Variants in SPAG16 observed in about 807,000 individuals in gnomAD.
SPAG16 encodes the protein sperm associated antigen 16, also known as sperm-associated antigen 16 protein.
Under a neutral mutation model 80.4 loss-of-function variants are expected in SPAG16, and 86 were observed. The ratio of observed to expected loss-of-function variants is 1.07; its 90% CI spans 0.90 to 1.28. The LOEUF (loss-of-function observed/expected upper bound fraction) is 1.28, where lower values mean the gene tolerates loss of function less well. Ranked by LOEUF, SPAG16 falls within the 50% of genes most tolerant of loss-of-function variation. The pLI is 0.00. For synonymous variants in SPAG16, 294 were observed against 265.9 expected (o/e 1.11, Z -1.03); for missense variants, 870 against 765.3 (o/e 1.14, Z -1.61).
At chr2:213,918,194 T>C (rs535264963) in intron 11 of SPAG16, among the ~76,000 whole-genome samples, 152 of 152,286 alleles carry the variant, frequency 1.0e-3, no homozygotes, top group Non-Finnish European at 1.9e-3. Context: ...AGGTTTTTTG[T>C]ATCAGTGTTC....
At chr2:214,243,110 AGAG>A (rs1293955598) in intron 15 of SPAG16, among the ~76,000 whole-genome samples, 6 of 152,218 alleles carry the variant, frequency 3.9e-5, no homozygotes, top group African/African-American at 1.4e-4. Context: ...AAGACAGGAT[AGAG>A]GAAAGAGCCT....
chr2:213,907,671 T>C (rs2077486256), intron 11 of SPAG16, among the ~76,000 whole-genome samples: 1 of 152,100 alleles, frequency 6.6e-6, no homozygotes, highest in Non-Finnish European at 1.5e-5. Flanking sequence ...ATATACACAA[T>C]GGAATACTAT....
intron 10 of SPAG16, among the ~76,000 whole-genome samples, chr2:213,518,371 G>A (rs2075527553): frequency 6.6e-6 from 1 of 152,156 alleles, no homozygotes; most frequent in Non-Finnish European, 1.5e-5. Flanking sequence ...GGGCTCAAGG[G>A]ATCCTCTTGC....
chr2:213,901,245 T>A (rs1260517250), intron 11 of SPAG16, among the ~76,000 whole-genome samples: 1 of 152,206 alleles, frequency 6.6e-6, no homozygotes, highest in African/African-American at 2.4e-5. Flanking sequence ...AGTTTGGGCC[T>A]AAGTATCGTA....
chr2:214,294,514 C>A (rs889859282), intron 15 of SPAG16, among the ~76,000 whole-genome samples: 1 of 152,182 alleles, frequency 6.6e-6, no homozygotes, highest in Non-Finnish European at 1.5e-5. Flanking sequence ...CAACCCTCTT[C>A]CCTTATGACA....
chr2:213,523,656 G>C (rs1327243314), intron 10 of SPAG16, among the ~76,000 whole-genome samples: 1 of 152,212 alleles, frequency 6.6e-6, no homozygotes, highest in Non-Finnish European at 1.5e-5. Context: ...TGACCAAAAT[G>C]CTGATAGTGA....
chr2:213,741,289 C>A (rs1232321700), intron 10 of SPAG16, among the ~76,000 whole-genome samples: 2 of 151,976 alleles, frequency 1.3e-5, no homozygotes, highest in African/African-American at 2.4e-5. Context: ...ATTTCCATTT[C>A]AAAAATAAAG....
At chr2:213,767,308 C>G (rs2068988494) in intron 10 of SPAG16, among the ~76,000 whole-genome samples, 1 of 152,036 alleles carries the variant, frequency 6.6e-6, no homozygotes, top group Admixed American at 6.6e-5. Context: ...AGTAGGGTAT[C>G]ATGTAATAAA....
At chr2:213,879,533 A>C (rs2076267282) in intron 11 of SPAG16, among the ~76,000 whole-genome samples, 1 of 151,972 alleles carries the variant, frequency 6.6e-6, no homozygotes, top group African/African-American at 2.4e-5. Flanking sequence ...CTTTTATTTT[A>C]TACATAGGGA....
intron 10 of SPAG16, among the ~76,000 whole-genome samples, chr2:213,580,592 GA>G (rs1206261140): frequency 2.6e-5 from 4 of 152,034 alleles, no homozygotes; most frequent in Non-Finnish European, 4.4e-5. Context: ...AACAACAATG[GA>G]TACAGTGCTA....
chr2:213,639,823 C>T (rs1344393400), intron 10 of SPAG16, among the ~76,000 whole-genome samples: 1 of 152,098 alleles, frequency 6.6e-6, no homozygotes, highest in Non-Finnish European at 1.5e-5. Context: ...TTGATTATTC[C>T]CTCAAATAAG....
intron 10 of SPAG16, among the ~76,000 whole-genome samples, chr2:213,556,287 C>T (rs752623683): frequency 4.8e-4 from 55 of 113,820 alleles, no homozygotes; most frequent in Non-Finnish European, 8.4e-4. Context: ...TGTAAGGGGG[C>T]TGAATGGGTC....
chr2:213,296,028 A>G, intron 1 of SPAG16, 36 bp from the exon 2 acceptor site: 2 of 1,578,314 alleles, frequency 1.3e-6, no homozygotes, highest in East Asian at 2.3e-5. Flanking sequence ...ATTTTATTCT[A>G]TATTTTTTGA....
chr2:214,221,957 T>C (rs751780612), intron 15 of SPAG16, among the ~76,000 whole-genome samples: 27 of 152,094 alleles, frequency 1.8e-4, no homozygotes, highest in Non-Finnish European at 2.1e-4. Context: ...ACATTAAAAA[T>C]AGATAATATC....
At chr2:213,926,313 T>A (rs1210097590) in intron 11 of SPAG16, among the ~76,000 whole-genome samples, 1 of 152,092 alleles carries the variant, frequency 6.6e-6, no homozygotes, top group Admixed American at 6.6e-5. Context: ...TAGTGGTGAT[T>A]TCTGAGATTT....
chr2:213,890,589 CTGTTA>C (rs1365764253), intron 11 of SPAG16, among the ~76,000 whole-genome samples: 8 of 151,394 alleles, frequency 5.3e-5, no homozygotes, highest in Non-Finnish European at 1.2e-4. Context: ...TTAAAGATGA[CTGTTA>C]TTTATTATTT....
chr2:213,381,230 A>G (rs2067156472), intron 9 of SPAG16, among the ~76,000 whole-genome samples: 1 of 152,194 alleles, frequency 6.6e-6, no homozygotes, highest in Admixed American at 6.5e-5. Flanking sequence ...GTATGAAGCA[A>G]AAGAGTACTC....
intron 12 of SPAG16, among the ~76,000 whole-genome samples, chr2:213,932,351 G>A (rs2078801707): frequency 6.6e-6 from 1 of 151,446 alleles, no homozygotes; most frequent in Non-Finnish European, 1.5e-5. Context: ...GAGTAGCTGG[G>A]ACTATAGGCA....
chr2:213,908,760 CT>C (rs34929055), intron 11 of SPAG16, among the ~76,000 whole-genome samples: 5 of 146,004 alleles, frequency 3.4e-5, no homozygotes, highest in Admixed American at 6.8e-5. Context: ...TTTTTTTTGT[CT>C]TTTTTTTTCC....
Sources: allele counts gnomAD v4.1 joint callset (sites outside exome capture counted in the v4.1 genomes callset), GRCh38; gene constraint gnomAD v4.1.1; transcripts MANE v1.5; gene names NCBI Gene and HGNC (gene_info 2026-07-23, HGNC 2026-07-21).